DAD1: variants seen among roughly 807,000 people sequenced by gnomAD.
The protein encoded by DAD1 is dolichyl-diphosphooligosaccharide--protein glycosyltransferase subunit DAD1.
DAD1 carries 4 observed loss-of-function variants against 9.0 expected under a neutral mutation model. The observed-to-expected ratio is 0.44, with a 90% CI of 0.22 to 1.01. The LOEUF is 1.01. Ranked by LOEUF, DAD1 falls within the 50% of genes least tolerant of loss-of-function variation. The pLI is 0.24. For synonymous variants in DAD1, 60 were observed against 62.5 expected, an observed-to-expected ratio of 0.96 and a Z score of 0.19; for missense variants, 119 against 137.3, an observed-to-expected ratio of 0.87 and a Z score of 0.67.
Position 22,575,059 on chromosome 14 carries a change from A to G in DAD1, c.*44T>C. ...GACAAGGACTATGATCATCACTTAC[A>G]TTCTTTTAGTCTCCTACTCCTCAAT... On this transcript the variant is annotated splice_region_variant and 3_prime_UTR_variant, in exon 2 of 3. Coordinates refer to ENST00000250498, the MANE Select transcript of DAD1 (RefSeq NM_001344.4). 1.2e-6 allele frequency: 2 copies of G among 1,604,486 alleles called. No individual in the cohort carries two copies. The highest frequency in any genetic ancestry group is 1.7e-6 in the Non-Finnish European group (2 of 1,173,372).
At chr14:22,577,726 G>A (rs1348311850) in intron 1 of DAD1, among the ~76,000 whole-genome samples, 1 of 152,208 alleles carries the variant, frequency 6.6e-6, no homozygotes. Context: ...ATCAAGAGTA[G>A]TCAAACTCCT....
chr14:22,574,954 T>G (rs1423071856), intron 2 of DAD1, 105 bp downstream of exon 2: 3 of 918,904 alleles, frequency 3.3e-6, no homozygotes, highest in Non-Finnish European at 4.9e-6. Flanking sequence ...TCTGCAAATG[T>G]CAATAGCAGT....
At position 22,588,947 on chromosome 14, in the gene DAD1, C is replaced by T. The variant is rs1047408334; in HGVS notation, c.211G>A (p.Val71Ile). ...ISCVGSFILAVCLRIQINPQN... is the reference protein window; with the variant it reads ...ISCVGSFILAICLRIQINPQN... ...TTATGATCACTTATAGAACCATTAC[C>T]CGCTAGGATGAAACTCCCCACACAA... The change falls in exon 1 of 3, where the codon GTT becomes ATT. Residue 71 changes from valine (V) to isoleucine (I), a missense_variant and splice_region_variant. Coordinates refer to ENST00000250498, the MANE Select transcript of DAD1 (RefSeq NM_001344.4). The T allele has an allele frequency of 6.2e-7, 1 of 1,613,944 alleles. No homozygotes were observed. Among genetic ancestry groups the T allele is most frequent in the Non-Finnish European group, 8.5e-7 (1 of 1,179,946 alleles).
intron 1 of DAD1, among the ~76,000 whole-genome samples, chr14:22,577,527 G>C (rs1482113048): frequency 6.6e-6 from 1 of 152,198 alleles, no homozygotes; most frequent in Non-Finnish European, 1.5e-5. Flanking sequence ...GCCAAAAGGT[G>C]AGAGCAGCCC....
At chr14:22,581,164 A>T (rs920139015) in intron 1 of DAD1, among the ~76,000 whole-genome samples, 2 of 152,248 alleles carry the variant, frequency 1.3e-5, no homozygotes, top group African/African-American at 4.8e-5. Context: ...GCACAGAACA[A>T]AACAGTCTGG....
At chr14:22,567,555 G>T (rs1049911357) in intron 2 of DAD1, among the ~76,000 whole-genome samples, 1 of 152,232 alleles carries the variant, frequency 6.6e-6, no homozygotes, top group Non-Finnish European at 1.5e-5. Context: ...ACCTGATAGT[G>T]TTGACAAATC....
At chr14:22,566,739 A>G (rs949843132) in intron 2 of DAD1, among the ~76,000 whole-genome samples, 3 of 152,214 alleles carry the variant, frequency 2.0e-5, no homozygotes, top group African/African-American at 4.8e-5. Context: ...TTTAGTACAA[A>G]ATCAAAGTTT....
chr14:22,575,107 C>A lies in DAD1; in HGVS notation c.338G>T (p.Gly113Val), dbSNP rs2037067378. 6.2e-7 allele frequency: 1 copy of A among 1,613,702 alleles called. No individual in the cohort carries two copies. Among genetic ancestry groups the A allele is most frequent in the Non-Finnish European group, 8.5e-7 (1 of 1,179,882 alleles). Reference protein sequence around the residue: ...ILHLVVMNFVG With the variant: ...ILHLVVMNFVV ...AATTAAGTAAATGAGAATGATTCAG[C>A]CAACAAAGTTCATGACAACAAGGTG... is the stretch of plus-strand genomic sequence containing the variant. The change falls in exon 2 of 3, where the codon GGC becomes GTC. Residue 113 changes from glycine (G) to valine (V), a missense_variant. Transcript: ENST00000250498.
chr14:22,573,924 C>T (rs2037060246), intron 2 of DAD1, among the ~76,000 whole-genome samples: 1 of 151,994 alleles, frequency 6.6e-6, no homozygotes, highest in South Asian at 2.1e-4. Context: ...ATTATTGCAT[C>T]CACTTTGCAC....
intron 1 of DAD1, among the ~76,000 whole-genome samples, chr14:22,580,531 G>C (rs2037109084): frequency 6.6e-6 from 1 of 152,076 alleles, no homozygotes; most frequent in Non-Finnish European, 1.5e-5. Flanking sequence ...ACTATTAATA[G>C]TGGTCATTGG....
intron 1 of DAD1, among the ~76,000 whole-genome samples, chr14:22,584,270 G>A (rs2037137446): frequency 6.6e-6 from 1 of 152,094 alleles, no homozygotes; most frequent in Admixed American, 6.6e-5. Flanking sequence ...GAGATGAGAA[G>A]ACAGCCCCTG....
At chr14:22,566,643 T>C (rs2037003919) in intron 2 of DAD1, among the ~76,000 whole-genome samples, 1 of 152,222 alleles carries the variant, frequency 6.6e-6, no homozygotes, top group Non-Finnish European at 1.5e-5. Flanking sequence ...ACATTTCTAA[T>C]GGCCAAGGTG....
At chr14:22,569,639 A>C (rs976380960) in intron 2 of DAD1, among the ~76,000 whole-genome samples, 11 of 152,346 alleles carry the variant, frequency 7.2e-5, no homozygotes, top group African/African-American at 2.6e-4. Context: ...GGAGTCATCC[A>C]AGCTGGGAGG....
intron 1 of DAD1, among the ~76,000 whole-genome samples, chr14:22,585,882 A>G: frequency 6.6e-6 from 1 of 152,180 alleles, no homozygotes; most frequent in East Asian, 1.9e-4. Flanking sequence ...ACATGCTAAC[A>G]CCAATTTTAA....
At chr14:22,571,313 C>CAAAAAAAA (rs71115558) in intron 2 of DAD1, among the ~76,000 whole-genome samples, 4,245 of 114,704 alleles carry the variant, frequency 0.037, 139 homozygotes, top group African/African-American at 0.065. Context: ...GACTCTGTCT[C>CAAAAAAAA]AAAAAAAAAA....
At chr14:22,573,987 A>G (rs945847452) in intron 2 of DAD1, among the ~76,000 whole-genome samples, 12 of 152,208 alleles carry the variant, frequency 7.9e-5, no homozygotes, top group Admixed American at 5.9e-4. Context: ...TAAAAATGAC[A>G]GCTTTCCAAG....
chr14:22,575,115 G>A lies in DAD1; in HGVS notation c.330C>T (p.Asn110=), dbSNP rs941938607. ...AAATGAGAATGATTCAGCCAACAAA[G>A]TTCATGACAACAAGGTGCAGGATGG... The part of the protein sequence containing the change: ...ASTILHLVVM[N]FVG Residue 110 remains asparagine (N), a synonymous_variant, in exon 2 of 3, where the codon AAC becomes AAT. Coordinates refer to ENST00000250498, the MANE Select transcript of DAD1 (RefSeq NM_001344.4). The A allele has an allele frequency of 1.5e-5, 24 of 1,613,774 alleles. No individual in the cohort carries two copies. Among genetic ancestry groups the A allele is most frequent in the Non-Finnish European group, 1.9e-5 (22 of 1,179,910 alleles).
In DAD1 at chr14:22,571,816, G is replaced by C. The variant is rs1282634260; in HGVS notation, c.*44+3243C>G. On this transcript the variant is annotated intron_variant, in intron 2 of 2. Transcript: ENST00000250498. Reference sequence around the variant, plus strand: ...AGCTAATTTTTGTCTTTTTAGTAGAGACGAGGTTTCACCATGTTGGCCAGG... The same window carrying C: ...AGCTAATTTTTGTCTTTTTAGTAGACACGAGGTTTCACCATGTTGGCCAGG... 4.6e-5 allele frequency among the ~76,000 whole-genome samples: 7 copies of C among 151,942 alleles called. No individual in the cohort carries two copies. The East Asian group carries it at 1.4e-3, about 29-fold the overall frequency.
intron 1 of DAD1, among the ~76,000 whole-genome samples, chr14:22,582,689 C>T (rs115874095): frequency 0.035 from 5,381 of 152,102 alleles, 341 homozygotes; most frequent in African/African-American, 0.12. Context: ...CAAGGGACCC[C>T]GGAAACTTAA....
Sources: gnomAD v4.1 joint callset for allele counts (sites outside exome capture counted in the v4.1 genomes callset) on GRCh38, gnomAD v4.1.1 for gene constraint, MANE v1.5 for transcripts, NCBI Gene and HGNC (gene_info 2026-07-23, HGNC 2026-07-21) for gene names.